Variants in JMJD1C observed in about 807,000 individuals in gnomAD.
JMJD1C encodes the protein jumonji domain-containing protein 1C.
In JMJD1C, 31 loss-of-function variants were observed where a neutral mutation model predicts 245.3. That is an observed-to-expected ratio of 0.13 (90% CI 0.09 to 0.17). JMJD1C has a LOEUF of 0.17. Ranked by LOEUF, JMJD1C falls within the 10% of genes least tolerant of loss-of-function variation. The probability of loss-of-function intolerance (pLI) is 1.00; values close to 1 mark genes in which losing one functional copy is unlikely to be tolerated. For missense variants in JMJD1C, 2,691 were observed against 3,000.2 expected (o/e 0.90, Z 2.41); for synonymous variants, 1,057 against 1,017.4 (o/e 1.04, Z -0.74).
intron 2 of JMJD1C, among the ~76,000 whole-genome samples, chr10:63,273,169 T>A (rs1196738762): frequency 6.6e-6 from 1 of 152,210 alleles, no homozygotes; most frequent in Non-Finnish European, 1.5e-5. Context: ...TAATAATGAA[T>A]GCCTTTTAAA....
chr10:63,167,496 G>A lies in JMJD1C; in HGVS notation c.*549C>T, dbSNP rs1841961714. The A allele has an allele frequency of 1.3e-5, 2 of 152,602 alleles. No individual in the cohort carries two copies. Among genetic ancestry groups the A allele is most frequent in the Middle Eastern group, 3.4e-3 (1 of 294 alleles). 9.5% of individuals were successfully genotyped at this position (152,602 alleles called of 1,614,324 possible). ...CAGTCAATAGCTTCAACAAAATATT[G>A]AAGTGTCTGTATTTAGTATCTACTT... On this transcript the variant is annotated 3_prime_UTR_variant, in exon 26 of 26. Transcript: ENST00000399262.
intron 2 of JMJD1C, among the ~76,000 whole-genome samples, chr10:63,329,845 T>C (rs1041667666): frequency 6.6e-6 from 1 of 152,232 alleles, no homozygotes; most frequent in African/African-American, 2.4e-5. Flanking sequence ...CTATAGTTTA[T>C]TGTGTTGCCT....
intron 2 of JMJD1C, among the ~76,000 whole-genome samples, chr10:63,277,731 C>CTTTTTGTTTTTTTTTTTTTTTTT (rs1856944713): frequency 1.6e-5 from 1 of 64,262 alleles, no homozygotes; most frequent in Non-Finnish European, 2.6e-5. Flanking sequence ...ATTTGCATTT[C>CTTTTTGTTTTTTTTTTTTTTTTT]TTTTTTTTTT....
At chr10:63,364,706 C>T (rs1346796635) in intron 2 of JMJD1C, among the ~76,000 whole-genome samples, 1 of 152,038 alleles carries the variant, frequency 6.6e-6, no homozygotes, top group African/African-American at 2.4e-5. Context: ...AGGCTGGTCT[C>T]GAACTCTTGG....
chr10:63,237,011 T>A (rs533205484), intron 3 of JMJD1C, among the ~76,000 whole-genome samples: 2 of 152,242 alleles, frequency 1.3e-5, no homozygotes, highest in East Asian at 3.9e-4. Flanking sequence ...AATGATTGAT[T>A]CATACAGAAC....
chr10:63,288,920 AATAATAATG>A (rs57231539), intron 2 of JMJD1C, among the ~76,000 whole-genome samples: 3,977 of 125,616 alleles, frequency 0.032, 159 homozygotes, highest in African/African-American at 0.099. Flanking sequence ...TAATAATAAT[AATAATAATG>A]ATAATAATCT....
At chr10:63,173,393 A>G (rs1842571852) in intron 24 of JMJD1C, among the ~76,000 whole-genome samples, 1 of 152,198 alleles carries the variant, frequency 6.6e-6, no homozygotes, top group Non-Finnish European at 1.5e-5. Context: ...AATACCATCC[A>G]TAAAAGAGAA....
intron 2 of JMJD1C, among the ~76,000 whole-genome samples, chr10:63,275,455 A>G (rs1452593671): frequency 6.6e-6 from 1 of 152,250 alleles, no homozygotes; most frequent in East Asian, 1.9e-4. Flanking sequence ...CCTTTCACAA[A>G]GGAGAAATAA....
chr10:63,426,997 T>A (rs2132798936), intron 1 of JMJD1C, among the ~76,000 whole-genome samples: 1 of 152,356 alleles, frequency 6.6e-6, no homozygotes, highest in African/African-American at 2.4e-5. Context: ...AGCACAGATT[T>A]AAAAATAACT....
rs116590035 is a variant in JMJD1C at position 63,200,307 on chromosome 10, T to G, written c.5276+169A>C. On this transcript the variant is annotated intron_variant, in intron 11 of 25. Coordinates refer to ENST00000399262, the MANE Select transcript of JMJD1C (RefSeq NM_032776.3). ...TGTATTTAGTCTTATAGTTAGAAAT[T>G]GTTAAAATTTAGCACGAAAACATTT... Among the ~76,000 whole-genome samples, 675 of 152,298 alleles carry G rather than the reference T, an allele frequency of 4.4e-3. 3 individuals are homozygous for G. The highest frequency in any genetic ancestry group is 0.015 in the African/African-American group (631 of 41,570).
intron 3 of JMJD1C, among the ~76,000 whole-genome samples, chr10:63,252,721 GAAGTA>G (rs1853262572): frequency 1.3e-5 from 2 of 152,266 alleles, no homozygotes; most frequent in African/African-American, 2.4e-5. Context: ...AGTCTTCTGA[GAAGTA>G]AAGAAAAAGA....
At chr10:63,321,287 T>C (rs1167514541) in intron 2 of JMJD1C, among the ~76,000 whole-genome samples, 1 of 152,244 alleles carries the variant, frequency 6.6e-6, no homozygotes, top group Non-Finnish European at 1.5e-5. Flanking sequence ...TAATTGAACA[T>C]GAGAAGGAGC....
chr10:63,186,518 C>CA, intron 18 of JMJD1C, 135 bp from the exon 19 acceptor site: 2 of 601,586 alleles, frequency 3.3e-6, no homozygotes, highest in South Asian at 5.2e-5. Context: ...ACCTGACTGT[C>CA]ACCCTTTGGG....
In JMJD1C at chr10:63,217,310, T is replaced by C; in HGVS notation, c.575A>G (p.Tyr192Cys). The C allele has an allele frequency of 6.3e-7, 1 of 1,597,382 alleles. No individual in the cohort carries two copies. Among genetic ancestry groups the C allele is most frequent in the Non-Finnish European group, 8.5e-7 (1 of 1,172,924 alleles). ...FMQGPYSLNG[Y>C]RVRVYRQDSA... ...GTCTTGTCTATATACTCTCACTCTG[T>C]ATCCATTTAAGGAATAAGGACCTTA... Residue 192 changes from tyrosine to cysteine, a missense_variant, in exon 5 of 26, where the codon TAC becomes TGC. Coordinates refer to ENST00000399262, the MANE Select transcript of JMJD1C (RefSeq NM_032776.3).
intron 10 of JMJD1C, among the ~76,000 whole-genome samples, chr10:63,201,749 G>C (rs980686710): frequency 6.6e-6 from 1 of 151,962 alleles, no homozygotes; most frequent in African/African-American, 2.4e-5. Context: ...GACCAACATG[G>C]TGAAATCCCG....
intron 2 of JMJD1C, among the ~76,000 whole-genome samples, chr10:63,305,182 C>T (rs534536084): frequency 2.6e-5 from 4 of 152,046 alleles, no homozygotes; most frequent in South Asian, 2.1e-4. Context: ...TCCTCGCCCA[C>T]ATGGTGAAAC....
intron 1 of JMJD1C, among the ~76,000 whole-genome samples, chr10:63,437,790 T>C (rs74982534): frequency 0.013 from 2,033 of 152,328 alleles, 30 homozygotes; most frequent in African/African-American, 0.034. Flanking sequence ...AAAACTGAAT[T>C]GTAGATTCTC....
intron 2 of JMJD1C, among the ~76,000 whole-genome samples, chr10:63,375,732 T>A (rs935291447): frequency 2.0e-5 from 3 of 151,986 alleles, no homozygotes; most frequent in Non-Finnish European, 4.4e-5. Context: ...ATTTTATTTT[T>A]TTTGCAGAGA....
chr10:63,360,040 T>C (rs780898505), intron 2 of JMJD1C, among the ~76,000 whole-genome samples: 9 of 152,010 alleles, frequency 5.9e-5, no homozygotes, highest in Non-Finnish European at 1.2e-4. Context: ...GGGAGCAGAA[T>C]GGCTTGTGTC....
Sources: allele counts gnomAD v4.1 joint callset (sites outside exome capture counted in the v4.1 genomes callset), GRCh38; gene constraint gnomAD v4.1.1; transcripts MANE v1.5; gene names NCBI Gene and HGNC (gene_info 2026-07-23, HGNC 2026-07-21).